FAM120A: variants seen among roughly 807,000 people sequenced by gnomAD.
FAM120A encodes constitutive coactivator of PPAR-gamma-like protein 1.
In FAM120A, 15 loss-of-function variants were observed where a neutral mutation model predicts 109.7. That is an observed-to-expected ratio of 0.14 (90% CI 0.09 to 0.21). FAM120A has a LOEUF of 0.21. FAM120A is among the 10% of genes least tolerant of loss of function. The pLI, the probability that FAM120A is intolerant of heterozygous loss-of-function variation, is 1.00. For synonymous variants in FAM120A, 493 were observed against 572.8 expected (o/e 0.86, Z 1.99); for missense variants, 899 against 1,439.3 (o/e 0.62, Z 6.07).
intron 11 of FAM120A, among the ~76,000 whole-genome samples, chr9:93,546,658 C>G (rs866020843): frequency 1.3e-5 from 2 of 152,198 alleles, no homozygotes; most frequent in Non-Finnish European, 2.9e-5. Flanking sequence ...AGTGCTGGCC[C>G]TTTCTCAGCA....
Position 93,452,047 on chromosome 9 carries a change from G to T in FAM120A, c.132G>T (p.Leu44=). The part of the protein sequence containing the change: ...GGRQRPPQTP[L]RLLVDADNCL... ...GGCAGCGGCCCCCGCAGACCCCGCT[G>T]CGCCTGCTGGTGGACGCCGACAACT... Residue 44 remains leucine, a synonymous_variant, in exon 1 of 18, where the codon CTG becomes CTT. Coordinates refer to ENST00000277165, the MANE Select transcript of FAM120A (RefSeq NM_014612.5). The surrounding 1 kb of genome is among the most constrained non-coding windows in gnomAD (Gnocchi z 7.0). 1 of 1,579,982 alleles carries T rather than the reference G, an allele frequency of 6.3e-7. No homozygotes were observed.
At chr9:93,533,495 T>G (rs1225888523) in intron 10 of FAM120A, among the ~76,000 whole-genome samples, 1 of 152,206 alleles carries the variant, frequency 6.6e-6, no homozygotes, top group Non-Finnish European at 1.5e-5. Flanking sequence ...CTTCAGTGGT[T>G]GGAGATACCA....
At chr9:93,517,296 A>G (rs1288056412) in intron 7 of FAM120A, among the ~76,000 whole-genome samples, 2 of 152,264 alleles carry the variant, frequency 1.3e-5, no homozygotes, top group African/African-American at 4.8e-5. Flanking sequence ...TATTTGCTGT[A>G]TATGCAATGC....
At chr9:93,525,277 G>A (rs982667632) in intron 7 of FAM120A, among the ~76,000 whole-genome samples, 5 of 149,770 alleles carry the variant, frequency 3.3e-5, no homozygotes, top group African/African-American at 1.2e-4. Flanking sequence ...GCGCTGGCAT[G>A]GTGCCTCGGC....
intron 5 of FAM120A, among the ~76,000 whole-genome samples, chr9:93,510,379 T>A (rs565828124): frequency 3.9e-5 from 6 of 152,220 alleles, no homozygotes; most frequent in African/African-American, 1.2e-4. Flanking sequence ...AAGACTGCAG[T>A]GTGTGTCTTC....
intron 13 of FAM120A, 61 bp from the exon 14 acceptor site, chr9:93,557,766 T>C: frequency 6.6e-7 from 1 of 1,514,008 alleles, no homozygotes; most frequent in Non-Finnish European, 9.0e-7. Flanking sequence ...TTAGTGCTCA[T>C]TTAAATTCAA....
At chr9:93,466,435 T>A (rs1368611385) in intron 1 of FAM120A, among the ~76,000 whole-genome samples, 1 of 152,080 alleles carries the variant, frequency 6.6e-6, no homozygotes, top group Non-Finnish European at 1.5e-5. Context: ...ACACATGCCA[T>A]CCTTTTGTTT....
chr9:93,472,039 C>T (rs1007421792), intron 2 of FAM120A, among the ~76,000 whole-genome samples: 1 of 152,178 alleles, frequency 6.6e-6, no homozygotes, highest in South Asian at 2.1e-4. Context: ...GTGGGCAGCT[C>T]ACCTGAGGTC....
intron 1 of FAM120A, chr9:93,453,637 T>A: frequency 6.1e-6 from 6 of 985,358 alleles, no homozygotes; most frequent in Non-Finnish European, 6.0e-6. Context: ...AGATGGTGTT[T>A]AAGTCGTGGG....
chr9:93,452,882 C>A lies in FAM120A; in HGVS notation c.474+493C>A. 1 of 1,450,280 alleles carries A rather than the reference C, an allele frequency of 6.9e-7. No individual in the cohort carries two copies. The allele number at this position is 1,450,280 out of a possible 1,614,324, so 89.8% of individuals were successfully genotyped here. ...GGGGCTGCAAATATCAGTGCTGCTG[C>A]CGCCGCCCTTGCCAATGTTGTTAGC... On this transcript the variant is annotated intron_variant, in intron 1 of 17. Coordinates refer to ENST00000277165, the MANE Select transcript of FAM120A (RefSeq NM_014612.5). The surrounding 1 kb of genome is among the most constrained non-coding windows in gnomAD (Gnocchi z 7.0).
chr9:93,562,665 C>CTTTTTTTTTTTT (rs535421624), intron 17 of FAM120A, among the ~76,000 whole-genome samples: 2 of 134,990 alleles, frequency 1.5e-5, no homozygotes, highest in African/African-American at 2.8e-5. Flanking sequence ...CTTTCTTTTT[C>CTTTTTTTTTTTT]TTTTTTTTTT....
At chr9:93,453,105 C>CTT in intron 1 of FAM120A, 1 of 1,028,648 alleles carries the variant, frequency 9.7e-7, no homozygotes, top group South Asian at 3.5e-5. Flanking sequence ...TGAAAGAGGT[C>CTT]TTTAAGGCAG....
At chr9:93,545,815 G>A (rs1588902253) in intron 11 of FAM120A, among the ~76,000 whole-genome samples, 1 of 57,402 alleles carries the variant, frequency 1.7e-5, no homozygotes, top group Non-Finnish European at 3.6e-5. Flanking sequence ...TTGAGACGGA[G>A]TTTTTTGCTC....
intron 2 of FAM120A, among the ~76,000 whole-genome samples, chr9:93,475,313 T>C (rs1858502444): frequency 6.6e-6 from 1 of 152,232 alleles, no homozygotes; most frequent in African/African-American, 2.4e-5. Context: ...CATGTTGATG[T>C]TGAAAAAGTT....
intron 10 of FAM120A, among the ~76,000 whole-genome samples, chr9:93,541,658 T>G (rs1420385341): frequency 6.6e-6 from 1 of 152,182 alleles, no homozygotes; most frequent in African/African-American, 2.4e-5. Flanking sequence ...TGAAAGACAT[T>G]TGCCTAATGA....
chr9:93,503,680 C>G (rs890315283), intron 5 of FAM120A, among the ~76,000 whole-genome samples: 1 of 152,002 alleles, frequency 6.6e-6, no homozygotes, highest in African/African-American at 2.4e-5. Flanking sequence ...ATCCAGAATA[C>G]GTACAGCACC....
At chr9:93,462,573 C>T (rs540975458) in intron 1 of FAM120A, among the ~76,000 whole-genome samples, 7 of 152,208 alleles carry the variant, frequency 4.6e-5, no homozygotes, top group East Asian at 1.9e-4. Context: ...TGAGCCACCA[C>T]GCCTGTCCCC....
chr9:93,511,472 T>C (rs1043597943), intron 5 of FAM120A, among the ~76,000 whole-genome samples: 59 of 152,294 alleles, frequency 3.9e-4, no homozygotes, highest in African/African-American at 7.9e-4. Flanking sequence ...CCTCTCCCTA[T>C]AGGATGGCCA....
intron 1 of FAM120A, among the ~76,000 whole-genome samples, chr9:93,457,237 C>G (rs569316375): frequency 6.6e-6 from 1 of 152,236 alleles, no homozygotes; most frequent in South Asian, 2.1e-4. Flanking sequence ...TTCCTGCTTT[C>G]AGTTCTTTTG....
Sources: gnomAD v4.1 joint callset for allele counts (sites outside exome capture counted in the v4.1 genomes callset) on GRCh38, gnomAD v4.1.1 for gene constraint, Gnocchi (gnomAD v3.1) non-coding constraint, MANE v1.5 for transcripts, NCBI Gene and HGNC (gene_info 2026-07-23, HGNC 2026-07-21) for gene names.